The following ARB2A variants were observed in gnomAD, a reference collection of about 807,000 sequenced individuals.
ARB2A encodes ARB2 cotranscriptional regulator A, also known as cotranscriptional regulator ARB2A.
chr5:93,950,618 G>A, the ARB2A span, among the ~76,000 whole-genome samples: 1 of 136,472 alleles, frequency 7.3e-6, no homozygotes, highest in African/African-American at 2.6e-5. Flanking sequence ...ACTGCAGCCT[G>A]GGTGACAGAG....
chr5:93,845,256 T>C, the ARB2A span, among the ~76,000 whole-genome samples: 3 of 152,222 alleles, frequency 2.0e-5, no homozygotes, highest in African/African-American at 7.2e-5. Context: ...ACCAGGTCTG[T>C]GCTCACTGCT....
chr5:93,643,740 C>T, the ARB2A span, among the ~76,000 whole-genome samples: 2 of 152,098 alleles, frequency 1.3e-5, no homozygotes, highest in African/African-American at 2.4e-5. Context: ...GTGATCCACC[C>T]GCCTCGGCCT....
At chr5:93,838,114 T>C in the ARB2A span, among the ~76,000 whole-genome samples, 9 of 152,206 alleles carry the variant, frequency 5.9e-5, no homozygotes, top group Non-Finnish European at 1.3e-4. Context: ...TCCTAGGTTT[T>C]CCTGAAGGGT....
At chr5:93,792,685 A>G in the ARB2A span, among the ~76,000 whole-genome samples, 1 of 115,802 alleles carries the variant, frequency 8.6e-6, no homozygotes, top group Non-Finnish European at 1.6e-5. Context: ...GGAACATCAC[A>G]CTCTGGGGAC....
chr5:93,744,970 T>C, the ARB2A span, among the ~76,000 whole-genome samples: 6 of 152,360 alleles, frequency 3.9e-5, no homozygotes, highest in Admixed American at 6.5e-5. Context: ...AGGACAACTA[T>C]ACTCATCCAA....
the ARB2A span, among the ~76,000 whole-genome samples, chr5:93,763,885 T>A: frequency 1.3e-5 from 2 of 152,112 alleles, no homozygotes; most frequent in African/African-American, 2.4e-5. Context: ...GAACTCAGGA[T>A]TAGGAAACTC....
chr5:94,009,541 T>G, the ARB2A span, among the ~76,000 whole-genome samples: 1 of 152,016 alleles, frequency 6.6e-6, no homozygotes, highest in Non-Finnish European at 1.5e-5. Context: ...AAATAATACA[T>G]TATTTTTTCT....
chr5:93,943,419 AT>A, the ARB2A span, among the ~76,000 whole-genome samples: 2 of 152,068 alleles, frequency 1.3e-5, no homozygotes, highest in African/African-American at 4.8e-5. Context: ...GTGCCAAGTA[AT>A]TTTCATATTT....
chr5:93,621,364 GC>G, the ARB2A span, among the ~76,000 whole-genome samples: 1 of 152,088 alleles, frequency 6.6e-6, no homozygotes, highest in East Asian at 1.9e-4. Flanking sequence ...GGGGTCACTT[GC>G]CCCCTGGCTC....
chr5:93,853,789 T>G, the ARB2A span, among the ~76,000 whole-genome samples: 1 of 152,222 alleles, frequency 6.6e-6, no homozygotes, highest in Non-Finnish European at 1.5e-5. Flanking sequence ...GAACCAGCCT[T>G]GCATCCCAGG....
At chr5:93,918,743 C>A in the ARB2A span, among the ~76,000 whole-genome samples, 2 of 152,084 alleles carry the variant, frequency 1.3e-5, no homozygotes, top group Admixed American at 1.3e-4. Context: ...ACTCTGTGTT[C>A]TCAGAGTCCC....
chr5:93,835,210 C>T, the ARB2A span, among the ~76,000 whole-genome samples: 4 of 152,196 alleles, frequency 2.6e-5, no homozygotes, highest in Non-Finnish European at 4.4e-5. Flanking sequence ...ATGCCAGATT[C>T]TACTACCTAG....
At chr5:94,016,521 T>C in the ARB2A span, among the ~76,000 whole-genome samples, 1 of 152,222 alleles carries the variant, frequency 6.6e-6, no homozygotes, top group Non-Finnish European at 1.5e-5. Flanking sequence ...ATAAAGTTTT[T>C]TTGTCTTGTC....
At chr5:93,653,610 G>T in the ARB2A span, among the ~76,000 whole-genome samples, 1 of 145,754 alleles carries the variant, frequency 6.9e-6, no homozygotes, top group Admixed American at 7.1e-5. Flanking sequence ...TTCTGAGAAG[G>T]CCTGCTCATA....
At chr5:93,895,214 C>T in the ARB2A span, among the ~76,000 whole-genome samples, 2 of 152,172 alleles carry the variant, frequency 1.3e-5, no homozygotes, top group Non-Finnish European at 2.9e-5. Flanking sequence ...GAGATCTGCA[C>T]GGCCACCAGA....
At chr5:94,064,329 A>T in the ARB2A span, among the ~76,000 whole-genome samples, 10 of 152,308 alleles carry the variant, frequency 6.6e-5, no homozygotes, top group East Asian at 9.7e-4. Context: ...ACAATGAGCA[A>T]GGGCTATGTG....
the ARB2A span, among the ~76,000 whole-genome samples, chr5:93,877,593 T>C: frequency 1.3e-5 from 2 of 152,118 alleles, no homozygotes; most frequent in African/African-American, 4.8e-5. Flanking sequence ...TGGGGAGATC[T>C]AGTGGAGAGG....
At chr5:93,964,523 T>C in the ARB2A span, 2 of 1,569,276 alleles carry the variant, frequency 1.3e-6, no homozygotes, top group Non-Finnish European at 1.7e-6. Context: ...TTCGTGATGA[T>C]CTAAGTAGGA....
the ARB2A span, among the ~76,000 whole-genome samples, chr5:93,651,411 T>C: frequency 1.8e-4 from 28 of 152,290 alleles, no homozygotes; most frequent in Admixed American, 4.6e-4. Flanking sequence ...GCTGGGATTA[T>C]AGGTGTAAGC....
Sources: allele counts gnomAD v4.1 joint callset (sites outside exome capture counted in the v4.1 genomes callset), GRCh38; gene constraint gnomAD v4.1.1; transcripts MANE v1.5; gene names NCBI Gene and HGNC (gene_info 2026-07-23, HGNC 2026-07-21).